TSPEAR: variants seen among roughly 807,000 people sequenced by gnomAD.
The protein encoded by TSPEAR is thrombospondin type laminin G domain and EAR repeats, also known as thrombospondin-type laminin G domain and EAR repeat-containing protein.
Under a neutral mutation model 71.6 loss-of-function variants are expected in TSPEAR, and 69 were observed. The ratio of observed to expected loss-of-function variants is 0.96; its 90% CI spans 0.79 to 1.18. TSPEAR has a LOEUF of 1.18. TSPEAR is among the 50% of genes most tolerant of loss of function. The pLI is 0.00. For missense variants in TSPEAR, 971 were observed against 894.9 expected (o/e 1.09, Z -1.09); for synonymous variants, 402 against 387.2 (o/e 1.04, Z -0.45).
At chr21:44,601,622 C>A (rs587651218) in intron 1 of TSPEAR, 4 of 1,613,628 alleles carry the variant, frequency 2.5e-6, no homozygotes, top group Non-Finnish European at 2.5e-6. Context: ...CCCACCTCCT[C>A]CTGCCAGGCC....
rs1304066103 is a variant in TSPEAR, at chr21:44,627,630, C to T, written c.83-59625G>A. ...GCTGCAAACCTGTGTGCTGTGCGCCCACCTGCTCTGAGGATTCCTATTCAT... is the reference window on the plus strand; with the variant it reads ...GCTGCAAACCTGTGTGCTGTGCGCCTACCTGCTCTGAGGATTCCTATTCAT... On this transcript the variant is annotated intron_variant, in intron 1 of 11. Transcript: ENST00000323084. The T allele has an allele frequency of 6.2e-6, 10 of 1,613,006 alleles. No individual in the cohort carries two copies. In the Admixed American group the frequency reaches 6.7e-5, roughly 11 times the overall value.
chr21:44,552,328 G>A (rs1415726397), intron 2 of TSPEAR, among the ~76,000 whole-genome samples: 2 of 152,194 alleles, frequency 1.3e-5, no homozygotes, highest in African/African-American at 2.4e-5. Flanking sequence ...GGCAGGGACC[G>A]TCACAGGTGA....
intron 1 of TSPEAR, among the ~76,000 whole-genome samples, chr21:44,632,554 G>T (rs2146211070): frequency 6.6e-6 from 1 of 152,360 alleles, no homozygotes; most frequent in East Asian, 1.9e-4. Flanking sequence ...ATAAAGAACT[G>T]GCTGGGCACA....
chr21:44,696,418 G>C (rs1266441327), intron 1 of TSPEAR, among the ~76,000 whole-genome samples: 1 of 152,208 alleles, frequency 6.6e-6, no homozygotes, highest in Non-Finnish European at 1.5e-5. Context: ...TTTTGCACAA[G>C]TTCTTCATTG....
chr21:44,524,740 GTCAA>G lies in TSPEAR; in HGVS notation c.1336+909_1336+912del, dbSNP rs782691365. Among the ~76,000 whole-genome samples the G allele has an allele frequency of 5.1e-4, 78 of 151,514 alleles. No homozygotes were observed. The East Asian group carries it at 6.6e-3, about 13-fold the overall frequency. Reference sequence around the variant, plus strand: ...AGGTAATCAGTCAGTGAGACAGTCAGTCAATCAGTCAGTAAGGTAGTCAGTCAGG... The same window carrying G: ...AGGTAATCAGTCAGTGAGACAGTCAGTCAGTCAGTAAGGTAGTCAGTCAGG... On this transcript the variant is annotated intron_variant, in intron 8 of 11. Transcript: ENST00000323084.
rs782155959 is a variant in TSPEAR at position 44,567,888 on chromosome 21, C to CG, written c.199dup (p.Arg67ProfsTer15). The CG allele has an allele frequency of 5.0e-6, 8 of 1,607,398 alleles. No individual in the cohort carries two copies. The highest frequency in any genetic ancestry group is 5.1e-6 in the Non-Finnish European group (6 of 1,175,936). On this transcript the variant is annotated frameshift_variant, in exon 2 of 12. Coordinates refer to ENST00000323084, the MANE Select transcript of TSPEAR (RefSeq NM_144991.3). LOFTEE classifies it high-confidence loss of function. ...CCTGGATGCTGGGAAGCTCATGGTG[C>CG]GGGGGGCGGCTACTGAGAGCTGGAG...
At chr21:44,500,069 G>A (rs1205437072) in intron 11 of TSPEAR, 133 bp from the exon 12 acceptor site, 3 of 902,444 alleles carry the variant, frequency 3.3e-6, no homozygotes, top group African/African-American at 3.5e-5. Context: ...CCCCCGACTG[G>A]CACAGCGTGG....
intron 2 of TSPEAR, among the ~76,000 whole-genome samples, chr21:44,537,507 G>T (rs1456459034): frequency 6.6e-6 from 1 of 152,236 alleles, no homozygotes; most frequent in Non-Finnish European, 1.5e-5. Flanking sequence ...TCAGAAGCAG[G>T]CTATACAAAC....
intron 1 of TSPEAR, among the ~76,000 whole-genome samples, chr21:44,680,917 C>A (rs1986553592): frequency 6.6e-6 from 1 of 152,148 alleles, no homozygotes; most frequent in Non-Finnish European, 1.5e-5. Context: ...TACAGTTACA[C>A]AGAAAGAATA....
At chr21:44,538,027 C>T (rs2053120200) in intron 2 of TSPEAR, among the ~76,000 whole-genome samples, 1 of 152,184 alleles carries the variant, frequency 6.6e-6, no homozygotes, top group African/African-American at 2.4e-5. Flanking sequence ...CAGGCTCCAC[C>T]TCACTTTCTG....
chr21:44,602,509 GCCC>G lies in TSPEAR; in HGVS notation c.83-34507_83-34505del, dbSNP rs1555929106. Among the ~76,000 whole-genome samples the G allele has an allele frequency of 1.0e-3, 8 of 8,008 alleles. No individual in the cohort carries two copies. The Non-Finnish European group carries it at 0.017, about 17-fold the overall frequency. 5.3% of individuals were successfully genotyped at this position (8,008 alleles called of 152,430 possible). On this transcript the variant is annotated intron_variant, in intron 1 of 11. Transcript: ENST00000323084. ...GGTGGGCGGGGACGGCCATCCTGAG[GCCC>G]GCTGGCCGGGCTGGCCCTTGGCTGG...
chr21:44,692,907 C>G (rs1449940785), intron 1 of TSPEAR, among the ~76,000 whole-genome samples: 2 of 151,964 alleles, frequency 1.3e-5, no homozygotes, highest in African/African-American at 4.8e-5. Context: ...CCAAAACAAT[C>G]TTGAAAAAGA....
intron 9 of TSPEAR, among the ~76,000 whole-genome samples, chr21:44,514,454 C>T (rs1234002288): frequency 1.3e-5 from 2 of 152,192 alleles, no homozygotes; most frequent in Admixed American, 6.5e-5. Flanking sequence ...GTCGGGGGCC[C>T]AGCTGTGACG....
At chr21:44,518,375 G>T in intron 9 of TSPEAR, 1 of 437,688 alleles carries the variant, frequency 2.3e-6, no homozygotes, top group South Asian at 1.7e-5. Context: ...CCTTGGTGCA[G>T]TGTCGTGAAG....
chr21:44,509,288 C>G lies in TSPEAR; in HGVS notation c.1665G>C (p.Gln555His). ...SHSYDVEMQVQNDSYVINSVI... is the reference protein window; with the variant it reads ...SHSYDVEMQVHNDSYVINSVI... ...CGGAGTTGATGACATAGGAATCATT[C>G]TGGACTTGCATCTCCACATCGTAGC... Residue 555 changes from glutamine (Q) to histidine (H), a missense_variant, in exon 10 of 12, where the codon CAG becomes CAC. By Grantham distance (24) the Gln-to-His change is conservative (BLOSUM62 0). Transcript: ENST00000323084. 1 of 1,614,098 alleles carries G rather than the reference C, an allele frequency of 6.2e-7. No homozygotes were observed. Among genetic ancestry groups the G allele is most frequent in the Non-Finnish European group, 8.5e-7 (1 of 1,180,008 alleles).
intron 1 of TSPEAR, among the ~76,000 whole-genome samples, chr21:44,569,397 GC>G (rs1294316525): frequency 1.3e-5 from 2 of 151,930 alleles, no homozygotes; most frequent in Non-Finnish European, 2.9e-5. Flanking sequence ...TGCAGGAACA[GC>G]CGGCAAAGCA....
At chr21:44,515,231 T>C (rs1270915905) in intron 9 of TSPEAR, among the ~76,000 whole-genome samples, 2 of 152,182 alleles carry the variant, frequency 1.3e-5, no homozygotes, top group African/African-American at 4.8e-5. Flanking sequence ...AACATGAAAG[T>C]GGGCTTTGTG....
At chr21:44,536,332 A>C (rs2053090916) in intron 2 of TSPEAR, among the ~76,000 whole-genome samples, 1 of 152,148 alleles carries the variant, frequency 6.6e-6, no homozygotes, top group African/African-American at 2.4e-5. Flanking sequence ...CCCTTGGGTG[A>C]TATCTTGCCA....
intron 1 of TSPEAR, chr21:44,602,012 G>A (rs915148003): frequency 1.8e-6 from 1 of 566,130 alleles, no homozygotes; most frequent in South Asian, 2.3e-5. Flanking sequence ...CCCGGTGTGG[G>A]GAGAAATGAG....
Sources: allele counts gnomAD v4.1 joint callset (sites outside exome capture counted in the v4.1 genomes callset), GRCh38; gene constraint gnomAD v4.1.1; transcripts MANE v1.5; gene names NCBI Gene and HGNC (gene_info 2026-07-23, HGNC 2026-07-21).